The following ARFGEF1 variants were observed in gnomAD, a reference collection of about 807,000 sequenced individuals.
The protein encoded by ARFGEF1 is ARF guanine nucleotide exchange factor 1.
Under a neutral mutation model 231.0 loss-of-function variants are expected in ARFGEF1, and 42 were observed. The ratio of observed to expected loss-of-function variants is 0.18; its 90% CI spans 0.14 to 0.24. ARFGEF1 has a LOEUF of 0.24. Among genes scored for constraint, ARFGEF1 ranks in the 10% least tolerant of loss-of-function variants. The pLI is 1.00. For synonymous variants in ARFGEF1, 710 were observed against 732.3 expected, an observed-to-expected ratio of 0.97 and a Z score of 0.49; for missense variants, 1,345 against 2,192.0, an observed-to-expected ratio of 0.61 and a Z score of 7.72.
chr8:67,213,354 T>C (rs1412271244), intron 33 of ARFGEF1, among the ~76,000 whole-genome samples: 1 of 152,174 alleles, frequency 6.6e-6, no homozygotes, highest in Non-Finnish European at 1.5e-5. Context: ...CAAGGATAAT[T>C]TTTTGATTGT....
At chr8:67,216,314 T>G (rs1228021542) in intron 33 of ARFGEF1, among the ~76,000 whole-genome samples, 2 of 152,146 alleles carry the variant, frequency 1.3e-5, no homozygotes, top group East Asian at 3.9e-4. Flanking sequence ...GGGAACTAGC[T>G]AGGCCCCTTT....
At chr8:67,250,004 C>T (rs570518150) in intron 19 of ARFGEF1, among the ~76,000 whole-genome samples, 39 of 152,156 alleles carry the variant, frequency 2.6e-4, no homozygotes, top group Non-Finnish European at 5.7e-4. Flanking sequence ...CATATGAATG[C>T]CCTGAAGAGA....
chr8:67,200,576 G>A, intron 37 of ARFGEF1, 63 bp from the exon 38 acceptor site: 1 of 993,872 alleles, frequency 1.0e-6, no homozygotes, highest in South Asian at 1.4e-5. Context: ...TATTCACCGA[G>A]AAAGAGCAAT....
Position 67,254,315 on chromosome 8 carries a change from T to C in ARFGEF1, c.2527-693A>G, listed in dbSNP as rs185123331. 2.2e-3 allele frequency among the ~76,000 whole-genome samples: 333 copies of C among 152,272 alleles called. 2 individuals are homozygous for C. Among genetic ancestry groups the C allele is most frequent in the Admixed American group, 3.6e-3 (55 of 15,294 alleles). On this transcript the variant is annotated intron_variant, in intron 17 of 38. Transcript: ENST00000262215. ...TACACTTTACCTCCAGAAACCTAGA[T>C]AGATAAAACCCAGAAGTCTTATGTG... is the stretch of plus-strand genomic sequence containing the variant.
At chr8:67,284,240 T>C (rs1423574530) in intron 7 of ARFGEF1, among the ~76,000 whole-genome samples, 1 of 152,066 alleles carries the variant, frequency 6.6e-6, no homozygotes, top group East Asian at 1.9e-4. Context: ...CATGCAGTAC[T>C]CTAACAAAAA....
intron 35 of ARFGEF1, among the ~76,000 whole-genome samples, chr8:67,203,723 T>C (rs1838414745): frequency 6.6e-6 from 1 of 152,264 alleles, no homozygotes; most frequent in Non-Finnish European, 1.5e-5. Flanking sequence ...GCTCAAGTTT[T>C]CACTTCTCAA....
At chr8:67,176,152 C>T (rs547787791) in intron 5 of ARFGEF1, among the ~76,000 whole-genome samples, 3 of 152,114 alleles carry the variant, frequency 2.0e-5, no homozygotes, top group African/African-American at 4.8e-5. Context: ...TGGGCCCTGA[C>T]GATAGCCAGG....
At chr8:67,235,909 CT>C (rs1328779299) in intron 22 of ARFGEF1, among the ~76,000 whole-genome samples, 3 of 152,030 alleles carry the variant, frequency 2.0e-5, no homozygotes, top group East Asian at 1.9e-4. Flanking sequence ...AAAGTACAGA[CT>C]TTTTTTCTAT....
chr8:67,177,608 A>AT, intron 5 of ARFGEF1: 1 of 933,592 alleles, frequency 1.1e-6, no homozygotes, highest in South Asian at 1.5e-5. Context: ...CAAAAAAGAT[A>AT]TTCTAAAATT....
intron 19 of ARFGEF1, among the ~76,000 whole-genome samples, chr8:67,250,922 T>C (rs969264759): frequency 7.9e-5 from 12 of 152,178 alleles, no homozygotes; most frequent in African/African-American, 2.9e-4. Context: ...CTGATATAAG[T>C]TCCTGGGCCC....
downstream of ARFGEF1, chr8:67,175,402 G>C: frequency 6.2e-7 from 1 of 1,614,198 alleles, no homozygotes; most frequent in Non-Finnish European, 8.5e-7. Context: ...AGCAGAAGAG[G>C]CTGAACAGAA....
intron 5 of ARFGEF1, among the ~76,000 whole-genome samples, chr8:67,182,897 T>A (rs1482202752): frequency 2.0e-5 from 3 of 152,240 alleles, no homozygotes; most frequent in Non-Finnish European, 2.9e-5. Flanking sequence ...ATCAGATACA[T>A]GATTTGCAAA....
intron 1 of ARFGEF1, among the ~76,000 whole-genome samples, chr8:67,317,142 G>A (rs1807355556): frequency 6.6e-6 from 1 of 152,116 alleles, no homozygotes; most frequent in South Asian, 2.1e-4. Context: ...CAAAAGCTTT[G>A]CGTCTGAGGC....
chr8:67,316,451 G>T (rs1807318987), intron 1 of ARFGEF1, among the ~76,000 whole-genome samples: 1 of 151,862 alleles, frequency 6.6e-6, no homozygotes, highest in Non-Finnish European at 1.5e-5. Flanking sequence ...TAACAAAACT[G>T]GACTGTTGTA....
intron 6 of ARFGEF1, among the ~76,000 whole-genome samples, chr8:67,288,296 T>C (rs1490437790): frequency 1.3e-5 from 2 of 152,232 alleles, no homozygotes; most frequent in Non-Finnish European, 2.9e-5. Context: ...GCTATTACAT[T>C]ATTACACTTA....
At chr8:67,333,128 C>T (rs956395305) in intron 1 of ARFGEF1, among the ~76,000 whole-genome samples, 3 of 151,744 alleles carry the variant, frequency 2.0e-5, no homozygotes, top group African/African-American at 7.3e-5. Flanking sequence ...CTCCACCTCC[C>T]GGGATCAAGC....
At chr8:67,189,559 T>C (rs936633131) in intron 5 of ARFGEF1, among the ~76,000 whole-genome samples, 6 of 152,236 alleles carry the variant, frequency 3.9e-5, no homozygotes, top group African/African-American at 1.2e-4. Context: ...ACAGTATACA[T>C]TTGGAAAATC....
chr8:67,197,598 C>T (rs1260996467), downstream of ARFGEF1: 3 of 982,768 alleles, frequency 3.1e-6, no homozygotes, highest in Non-Finnish European at 2.4e-6. Flanking sequence ...AATGTCTTTT[C>T]CATAGTTGTT....
intron 1 of ARFGEF1, among the ~76,000 whole-genome samples, chr8:67,314,973 C>G (rs1052958412): frequency 6.6e-6 from 1 of 152,120 alleles, no homozygotes; most frequent in Non-Finnish European, 1.5e-5. Context: ...AAGCTGTGAT[C>G]ACACCACTGC....
Sources: gnomAD v4.1 joint callset for allele counts (sites outside exome capture counted in the v4.1 genomes callset) on GRCh38, gnomAD v4.1.1 for gene constraint, MANE v1.5 for transcripts, NCBI Gene and HGNC (gene_info 2026-07-23, HGNC 2026-07-21) for gene names.